The following SLC13A3 variants were observed in gnomAD, a reference collection of about 807,000 sequenced individuals.
The protein encoded by SLC13A3 is solute carrier family 13 member 3.
SLC13A3 carries 40 observed loss-of-function variants against 59.0 expected under a neutral mutation model. That is an observed-to-expected ratio of 0.68 (90% CI 0.53 to 0.88). The LOEUF is 0.88. SLC13A3 is among the 40% of genes least tolerant of loss of function. The pLI is 0.00. For missense variants in SLC13A3, 699 were observed against 783.2 expected, an observed-to-expected ratio of 0.89 and a Z score of 1.28; for synonymous variants, 317 against 330.3, an observed-to-expected ratio of 0.96 and a Z score of 0.44.
chr20:46,564,503 C>T lies in SLC13A3; in HGVS notation c.1495-952G>A, dbSNP rs559645043. Among the ~76,000 whole-genome samples the T allele has an allele frequency of 2.0e-5, 3 of 152,188 alleles. No homozygotes were observed. The South Asian group carries it at 6.2e-4, about 32-fold the overall frequency. ...AAAGTTTACAAGAATGTGTCATTTA[C>T]AAGTGTCTTTTCCAGCAAAAGCTGC... On this transcript the variant is annotated intron_variant, in intron 11 of 12. Transcript: ENST00000279027.
chr20:46,613,411 G>T, intron 2 of SLC13A3, 49 bp downstream of exon 2: 2 of 1,497,222 alleles, frequency 1.3e-6, no homozygotes, highest in Non-Finnish European at 1.8e-6. Context: ...CCAGAGGTGT[G>T]GTCCCTCTGC....
intron 1 of SLC13A3, among the ~76,000 whole-genome samples, chr20:46,677,205 C>T (rs2063131296): frequency 6.6e-6 from 1 of 152,196 alleles, no homozygotes; most frequent in African/African-American, 2.4e-5. Context: ...CAAGCCACCA[C>T]CTGGCCTCAC....
chr20:46,563,344 A>C (rs750376201), intron 12 of SLC13A3, 70 bp downstream of exon 12: 281 of 1,559,836 alleles, frequency 1.8e-4, no homozygotes, highest in Non-Finnish European at 2.3e-4. Flanking sequence ...AGTCCTGCAT[A>C]GAGGCCTTGC....
At chr20:46,563,270 G>A (rs778933745) in intron 12 of SLC13A3, 144 bp downstream of exon 12, 10 of 943,638 alleles carry the variant, frequency 1.1e-5, no homozygotes, top group Non-Finnish European at 1.5e-5. Flanking sequence ...TCTGCTAAAT[G>A]TATGTTCCTG....
chr20:46,651,439 G>T lies in SLC13A3; in HGVS notation c.-18C>A, dbSNP rs764108203. 309 of 1,466,078 alleles carry T rather than the reference G, an allele frequency of 2.1e-4. 1 individual carries two copies. The highest frequency in any genetic ancestry group is 2.5e-4 in the Non-Finnish European group (275 of 1,116,316). The allele number at this position is 1,466,078 out of a possible 1,614,324, so 90.8% of individuals were successfully genotyped here. On this transcript the variant is annotated 5_prime_UTR_variant, in exon 1 of 13. Transcript: ENST00000279027. ...GCCGCCATCAGCGCGATCGCCTGGC[G>T]GTACGGGCCGGCCCGGGACTGCCCC...
At chr20:46,676,367 T>C (rs1600636834) in intron 1 of SLC13A3, among the ~76,000 whole-genome samples, 2 of 130,066 alleles carry the variant, frequency 1.5e-5, no homozygotes, top group African/African-American at 2.9e-5. Context: ...AGAAGCCCCC[T>C]CCAAATCACT....
chr20:46,616,648 C>T (rs146498248), intron 1 of SLC13A3, among the ~76,000 whole-genome samples: 95 of 152,310 alleles, frequency 6.2e-4, no homozygotes, highest in African/African-American at 2.1e-3. Flanking sequence ...AGAGGGCAGG[C>T]CCGTCCCAGG....
intron 12 of SLC13A3, among the ~76,000 whole-genome samples, chr20:46,561,418 G>C (rs1305387585): frequency 6.6e-6 from 1 of 152,130 alleles, no homozygotes; most frequent in Non-Finnish European, 1.5e-5. Flanking sequence ...GATTTTTGGG[G>C]TTCACAGGGG....
intron 1 of SLC13A3, among the ~76,000 whole-genome samples, chr20:46,677,415 C>A (rs1442306856): frequency 6.6e-6 from 1 of 152,156 alleles, no homozygotes; most frequent in African/African-American, 2.4e-5. Context: ...CGCTCCCAAC[C>A]TTTTAATTAT....
chr20:46,581,550 G>A (rs2062138156), intron 9 of SLC13A3, among the ~76,000 whole-genome samples: 1 of 152,188 alleles, frequency 6.6e-6, no homozygotes. Context: ...AAGCCAGGAG[G>A]AAACAGATAC....
At chr20:46,561,017 C>T (rs2061926118) in intron 12 of SLC13A3, among the ~76,000 whole-genome samples, 1 of 152,184 alleles carries the variant, frequency 6.6e-6, no homozygotes, top group Non-Finnish European at 1.5e-5. Flanking sequence ...AATTACTAAG[C>T]TAAAGAGAAA....
At chr20:46,609,074 A>G (rs1402156337) in intron 3 of SLC13A3, 2 of 1,549,266 alleles carry the variant, frequency 1.3e-6, no homozygotes, top group Non-Finnish European at 8.7e-7. Flanking sequence ...GAACAAAGGA[A>G]GAATCAATGC....
chr20:46,614,140 A>T (rs528492423), intron 1 of SLC13A3, among the ~76,000 whole-genome samples: 1 of 152,210 alleles, frequency 6.6e-6, no homozygotes, highest in Non-Finnish European at 1.5e-5. Context: ...AGAGTGTCCC[A>T]TGAGAAGGTT....
chr20:46,634,766 G>C (rs1278771614), intron 1 of SLC13A3, among the ~76,000 whole-genome samples: 2 of 152,178 alleles, frequency 1.3e-5, no homozygotes, highest in African/African-American at 4.8e-5. Context: ...AGAACACGTT[G>C]TTCTGAGAAA....
chr20:46,629,065 A>G (rs2062709267), intron 1 of SLC13A3, among the ~76,000 whole-genome samples: 2 of 152,188 alleles, frequency 1.3e-5, no homozygotes, highest in South Asian at 4.1e-4. Context: ...TGTGATTGAC[A>G]TTTCTATCTT....
rs1321632713 is a variant in SLC13A3 at position 46,559,720 on chromosome 20, T to C, written c.*302A>G. On this transcript the variant is annotated 3_prime_UTR_variant, in exon 13 of 13. Transcript: ENST00000279027. ...GTACGAGACAAACACCATGCCAGAT[T>C]TGCTCACTGTTGATGACACTGGGCT... is the stretch of plus-strand genomic sequence containing the variant. The C allele has an allele frequency of 6.9e-6, 2 of 288,810 alleles. No homozygotes were observed. The highest frequency in any genetic ancestry group is 1.3e-5 in the Non-Finnish European group (2 of 153,672). 17.9% of individuals were successfully genotyped at this position (288,810 alleles called of 1,614,324 possible). A position where few individuals can be genotyped will look rare whatever the true frequency, so the allele number is the denominator to read the frequency against.
At chr20:46,585,725 T>G in intron 8 of SLC13A3, 2 of 1,298,642 alleles carry the variant, frequency 1.5e-6, no homozygotes, top group South Asian at 1.3e-5. Flanking sequence ...TTGAAATGCT[T>G]ATAATGCCCA....
At chr20:46,583,987 C>T (rs777160501) in intron 8 of SLC13A3, 9 of 985,228 alleles carry the variant, frequency 9.1e-6, no homozygotes, top group Non-Finnish European at 1.1e-5. Context: ...TCCTTGGAAC[C>T]CCTATAAATC....
rs372520609 is a variant in SLC13A3 at position 46,588,163 on chromosome 20, C to T, written c.1017G>A (p.Lys339=). Residue 339 remains lysine, a splice_region_variant and synonymous_variant, in exon 8 of 13, where the codon AAG becomes AAA. Transcript: ENST00000279027. ...REEYQNLGPI[K]FAEQAVFILF... is the part of the protein sequence containing the mutation. ...GGATGAAAACAGCCTGTTCGGCAAA[C>T]CTGTGGCACAGACATGCAGGCATGA... The T allele has an allele frequency of 3.1e-6, 5 of 1,602,966 alleles. No homozygotes were observed. In the African/African-American group the frequency reaches 6.7e-5, roughly 21 times the overall value.
Sources: allele counts gnomAD v4.1 joint callset (sites outside exome capture counted in the v4.1 genomes callset), GRCh38; gene constraint gnomAD v4.1.1; transcripts MANE v1.5; gene names NCBI Gene and HGNC (gene_info 2026-07-23, HGNC 2026-07-21).